The following ARHGAP4 variants were observed in gnomAD, a reference collection of about 807,000 sequenced individuals.
The protein encoded by ARHGAP4 is rho GTPase-activating protein 4.
Under a neutral mutation model 67.6 loss-of-function variants are expected in ARHGAP4, and 25 were observed. The observed-to-expected ratio is 0.37, with a 90% CI of 0.27 to 0.52. The LOEUF (loss-of-function observed/expected upper bound fraction) is 0.52, where lower values mean the gene tolerates loss of function less well. ARHGAP4 is among the 20% of genes least tolerant of loss of function. The probability of loss-of-function intolerance (pLI) is 0.92; values close to 1 mark genes in which losing one functional copy is unlikely to be tolerated. For missense variants in ARHGAP4, 804 were observed against 854.6 expected (o/e 0.94, Z 0.74); for synonymous variants, 448 against 373.7 (o/e 1.20, Z -2.29).
chrX:153,911,310 T>G (rs2065019686), intron 12 of ARHGAP4, 121 bp from the exon 13 acceptor site: 1 of 622,275 alleles, frequency 1.6e-6, no homozygotes. Context: ...CAGGCTGAAG[T>G]GCACTGGCGT....
In ARHGAP4 at chrX:153,910,714, A is replaced by C; in HGVS notation, c.1802T>G (p.Leu601Arg). 2 of 1,194,275 alleles carry C rather than the reference A, an allele frequency of 1.7e-6. No homozygotes were observed. The highest frequency in any genetic ancestry group is 2.3e-6 in the Non-Finnish European group (2 of 886,516). Residue 601 changes from leucine (L) to arginine (R), a missense_variant, in exon 15 of 22, where the codon CTG (leucine) becomes CGG (arginine). Coordinates refer to ENST00000350060, the MANE Select transcript of ARHGAP4 (RefSeq NM_001666.5). ...PLFPPDLFGE[L>R]LASSELEATA... ...CCCAGCCTCACCCGAAGAAGCCAGC[A>C]GCTCGCCGAACAGGTCTGGGGGGAA... is the stretch of plus-strand genomic sequence containing the variant.
At chrX:153,916,990 C>T (rs1230893390) in intron 7 of ARHGAP4, among the ~76,000 whole-genome samples, 3 of 111,443 alleles carry the variant, frequency 2.7e-5, no homozygotes, top group Non-Finnish European at 5.7e-5. Flanking sequence ...CCGAGGCAGG[C>T]GGATCACCTG....
chrX:153,912,086 T>G (rs994481548), intron 12 of ARHGAP4, among the ~76,000 whole-genome samples: 3 of 109,415 alleles, frequency 2.7e-5, no homozygotes, highest in Non-Finnish European at 5.7e-5. Flanking sequence ...TTCTTTTCTT[T>G]TCTTTCTCTC....
Position 153,910,060 on chromosome X carries a change from C to A in ARHGAP4, c.2182G>T (p.Ala728Ser), listed in dbSNP as rs2065006819. ...GCTTCCAGCTCCGGCTCATTGTCCG[C>A]CCCCAGGCTCTCCAGCTGGGCGTCC... ...LGDAQLESLG[A>S]DNEPELEAEM... Residue 728 changes from alanine (A) to serine (S), a missense_variant, in exon 18 of 22, where the codon GCG (alanine) becomes TCG (serine). By Grantham distance (99) the Ala-to-Ser change is moderately conservative. Around this residue, in one of 2 missense-constraint regions of ARHGAP4, gnomAD observed 400 missense variants for 348.7 expected, o/e 1.15. Transcript: ENST00000350060. 8.3e-7 allele frequency: 1 copy of A among 1,211,362 alleles called. No individual in the cohort carries two copies. Among genetic ancestry groups the A allele is most frequent in the African/African-American group, 1.7e-5 (1 of 57,906 alleles).
At chrX:153,921,328 C>T in intron 3 of ARHGAP4, 37 bp downstream of exon 3, 1 of 1,209,809 alleles carries the variant, frequency 8.3e-7, no homozygotes. Context: ...ATCCCAAAGC[C>T]TCGAACACTT....
chrX:153,919,040 C>G lies in ARHGAP4; in HGVS notation c.824G>C (p.Gly275Ala). Residue 275 changes from glycine to alanine, a missense_variant, in exon 7 of 22, where the codon GGG becomes GCG. By Grantham distance (60) the Gly-to-Ala change is moderately conservative. Around this residue, in one of 2 missense-constraint regions of ARHGAP4, gnomAD observed 404 missense variants for 505.9 expected, o/e 0.80. Coordinates refer to ENST00000350060, the MANE Select transcript of ARHGAP4 (RefSeq NM_001666.5). Reference protein sequence around the residue: ...VLDLMDCCDTGFHLALGQVLR... With the variant: ...VLDLMDCCDTAFHLALGQVLR... ...CACCTGCCCCAGGGCCAGGTGGAAC[C>G]CTGTGTCACAGCACTGAGGAGGAAA... 1.7e-6 allele frequency: 2 copies of G among 1,211,433 alleles called. No individual in the cohort carries two copies.
At chrX:153,920,532 C>T in intron 5 of ARHGAP4, 94 bp downstream of exon 5, 1 of 989,114 alleles carries the variant, frequency 1.0e-6, no homozygotes, top group Non-Finnish European at 1.3e-6. Context: ...CCTGCCCTCC[C>T]CTGCACCCAG....
intron 21 of ARHGAP4, among the ~76,000 whole-genome samples, chrX:153,908,470 G>A (rs1439807991): frequency 6.2e-5 from 7 of 112,166 alleles, no homozygotes; most frequent in East Asian, 5.6e-4. Flanking sequence ...GGGCTTCCAC[G>A]TTCAGCCCGA....
chrX:153,919,059 G>A lies in ARHGAP4; in HGVS notation c.811-6C>T, dbSNP rs782602345. ...TGGAACCCTGTGTCACAGCACTGAG[G>A]AGGAAACAAGGAGATGCTTGGGTAG... On this transcript the variant is annotated splice_region_variant and splice_polypyrimidine_tract_variant and intron_variant, in intron 6 of 21. Transcript: ENST00000350060. The A allele has an allele frequency of 2.3e-5, 28 of 1,208,673 alleles. No homozygotes were observed. In the Admixed American group the frequency reaches 5.5e-4, roughly 24 times the overall value.
intron 1 of ARHGAP4, among the ~76,000 whole-genome samples, chrX:153,924,042 G>A (rs1306814821): frequency 8.9e-6 from 1 of 111,989 alleles, no homozygotes; most frequent in African/African-American, 3.3e-5. Context: ...GCCTCCCAAA[G>A]TGCTGGGATT....
chrX:153,911,082 C>T (rs1557103178), intron 13 of ARHGAP4, 47 bp downstream of exon 13: 5 of 1,162,366 alleles, frequency 4.3e-6, no homozygotes, highest in Non-Finnish European at 5.7e-6. Context: ...GTGCTGGGAA[C>T]TGGGTGCTGG....
chrX:153,918,227 C>T (rs960169734), intron 7 of ARHGAP4, among the ~76,000 whole-genome samples: 20 of 109,965 alleles, frequency 1.8e-4, no homozygotes, highest in African/African-American at 6.3e-4. Context: ...TGCAGGGAAG[C>T]GTGTGGTGGC....
Position 153,909,552 on chromosome X carries a change from C to T in ARHGAP4, c.2415-17G>A, listed in dbSNP as rs370798133. On this transcript the variant is annotated splice_polypyrimidine_tract_variant and intron_variant, in intron 19 of 21. Coordinates refer to ENST00000350060, the MANE Select transcript of ARHGAP4 (RefSeq NM_001666.5). ...TTCTCCGTCCTGCGGTGGGAAGGAC[C>T]GGCCTGTTTCGAGTGCTCCTTCCCT... The T allele has an allele frequency of 1.4e-4, 170 of 1,180,347 alleles. 1 individual carries two copies. In the African/African-American group the frequency reaches 1.9e-3, roughly 13 times the overall value.
At chrX:153,909,952 G>T (rs2065005413) in intron 18 of ARHGAP4, 28 bp from the exon 19 acceptor site, 2 of 1,209,185 alleles carry the variant, frequency 1.7e-6, no homozygotes, top group East Asian at 5.9e-5. Flanking sequence ...TCCAAGCTGT[G>T]GGAGGGGGTG....
chrX:153,909,960 G>T, intron 18 of ARHGAP4, 36 bp from the exon 19 acceptor site: 1 of 1,208,619 alleles, frequency 8.3e-7, no homozygotes, highest in Non-Finnish European at 1.1e-6. Flanking sequence ...GTGGGAGGGG[G>T]TGTGGACACT....
intron 12 of ARHGAP4, among the ~76,000 whole-genome samples, chrX:153,912,155 G>C (rs186026622): frequency 9.5e-5 from 10 of 105,329 alleles, no homozygotes; most frequent in Non-Finnish European, 1.7e-4. Context: ...TTCTTTCACT[G>C]GGATTACAGG....
intron 7 of ARHGAP4, among the ~76,000 whole-genome samples, chrX:153,915,615 T>C (rs1172416126): frequency 9.0e-6 from 1 of 111,560 alleles, no homozygotes; most frequent in Non-Finnish European, 1.9e-5. Context: ...TTAAAAATAA[T>C]TGTTTTTAAA....
At chrX:153,913,377 C>T (rs1557103738) in intron 9 of ARHGAP4, 32 bp downstream of exon 9, 5 of 1,206,361 alleles carry the variant, frequency 4.1e-6, no homozygotes, top group South Asian at 1.8e-5. Flanking sequence ...AATGCCCCCA[C>T]GGGTCCCGCC....
chrX:153,922,879 A>G (rs782510634), intron 1 of ARHGAP4, among the ~76,000 whole-genome samples: 1 of 111,629 alleles, frequency 9.0e-6, no homozygotes, highest in South Asian at 3.7e-4. Context: ...GCACGAACAC[A>G]TATCAGAATG....
Sources: allele counts gnomAD v4.1 joint callset (sites outside exome capture counted in the v4.1 genomes callset), GRCh38; gene constraint gnomAD v4.1.1; regional missense constraint gnomAD v4.1.1; transcripts MANE v1.5; gene names NCBI Gene and HGNC (gene_info 2026-07-23, HGNC 2026-07-21).